Variants in INCENP observed in about 807,000 individuals in gnomAD.
The protein encoded by INCENP is binds and activates aurora-B and -C in vivo and in vitro.
In INCENP, 43 loss-of-function variants were observed where a neutral mutation model predicts 107.3. That is an observed-to-expected ratio of 0.40 (90% CI 0.31 to 0.52). The LOEUF is 0.52. Among genes scored for constraint, INCENP ranks in the 20% least tolerant of loss-of-function variants. The probability of loss-of-function intolerance (pLI) is 0.53; values close to 1 mark genes in which losing one functional copy is unlikely to be tolerated. For synonymous variants in INCENP, 488 were observed against 494.4 expected (o/e 0.99, Z 0.17); for missense variants, 1,089 against 1,250.9 (o/e 0.87, Z 1.95).
chr11:62,134,198 G>C (rs1236329037), intron 4 of INCENP, among the ~76,000 whole-genome samples: 3 of 152,094 alleles, frequency 2.0e-5, no homozygotes, highest in Non-Finnish European at 4.4e-5. Flanking sequence ...TTAAGCCTCA[G>C]CCTCAAAAAG....
At position 62,137,817 on chromosome 11, in the gene INCENP, T is replaced by A; in HGVS notation, c.1064-15T>A. Reference sequence around the variant, plus strand: ...TCTCTGATGAGATCTTTTGTGCCTTTCTTTTCCCCCTCAGGTCACAGTTAC... The same window carrying A: ...TCTCTGATGAGATCTTTTGTGCCTTACTTTTCCCCCTCAGGTCACAGTTAC... On this transcript the variant is annotated splice_polypyrimidine_tract_variant and intron_variant, in intron 4 of 18. Transcript: ENST00000394818. 6.2e-7 allele frequency: 1 copy of A among 1,613,864 alleles called. No homozygotes were observed. Among genetic ancestry groups the A allele is most frequent in the Non-Finnish European group, 8.5e-7 (1 of 1,179,744 alleles).
intron 15 of INCENP, among the ~76,000 whole-genome samples, chr11:62,147,332 G>A (rs781467064): frequency 1.8e-4 from 27 of 152,250 alleles, no homozygotes; most frequent in Admixed American, 1.3e-4. Context: ...ACCCCCTACC[G>A]ATATTTTCAG....
chr11:62,126,200 GT>G (rs57052675), intron 1 of INCENP, among the ~76,000 whole-genome samples: 39,529 of 99,894 alleles, frequency 0.4, 5,495 homozygotes, highest in Non-Finnish European at 0.52. Flanking sequence ...GTTGTGCATG[GT>G]TTTTTTTTTT....
chr11:62,150,207 G>A lies in INCENP; in HGVS notation c.2542G>A (p.Gly848Ser). 6.2e-7 allele frequency: 1 copy of A among 1,613,912 alleles called. No individual in the cohort carries two copies. Among genetic ancestry groups the A allele is most frequent in the Non-Finnish European group, 8.5e-7 (1 of 1,179,984 alleles). ...GAAGCCCATCCCCACCTGGGCCCGAGGTAAGCAAAGCCCACAGCTCCCTGG... is the reference window on the plus strand; with the variant it reads ...GAAGCCCATCCCCACCTGGGCCCGAAGTAAGCAAAGCCCACAGCTCCCTGG... ...PRKPIPTWAR[G>S]TPLSQAIIHQ... Residue 848 changes from glycine (G) to serine (S), a missense_variant and splice_region_variant, in exon 18 of 19, where the codon GGC becomes AGC. Physicochemically the swap from Gly to Ser is moderately conservative, Grantham distance 56. Transcript: ENST00000394818.
At chr11:62,148,180 A>G (rs1944294517) in intron 15 of INCENP, among the ~76,000 whole-genome samples, 1 of 152,128 alleles carries the variant, frequency 6.6e-6, no homozygotes, top group African/African-American at 2.4e-5. Flanking sequence ...CCCTGGAGGA[A>G]ATGTGTTATG....
chr11:62,140,666 C>T (rs1434214334), intron 8 of INCENP, 38 bp from the exon 9 acceptor site: 18 of 1,508,128 alleles, frequency 1.2e-5, no homozygotes, highest in Middle Eastern at 2.3e-4. Context: ...TGGGCTGTGG[C>T]GGGCTGCCCT....
chr11:62,136,008 A>T (rs1590613368), intron 4 of INCENP, among the ~76,000 whole-genome samples: 1 of 151,502 alleles, frequency 6.6e-6, no homozygotes, highest in African/African-American at 2.4e-5. Flanking sequence ...ACGGGGTTTC[A>T]CCGTGGTCTC....
rs1944308091 is a variant in INCENP, at chr11:62,148,644, G to A, written c.2283+90G>A. ...CTGCAGCAGGGGCTGCCTAGGGAGG[G>A]GAGGGAAAGGGAGGAGAATGGAGCG... On this transcript the variant is annotated intron_variant, in intron 16 of 18. Coordinates refer to ENST00000394818, the MANE Select transcript of INCENP (RefSeq NM_001040694.2). The A allele has an allele frequency of 1.4e-5, 21 of 1,452,500 alleles. No homozygotes were observed. The East Asian group carries it at 4.9e-4, about 34-fold the overall frequency. 90.0% of individuals were successfully genotyped at this position (1,452,500 alleles called of 1,614,324 possible).
Position 62,151,819 on chromosome 11 carries a change from A to G in INCENP, c.2600A>G (p.Glu867Gly). 3.7e-6 allele frequency: 6 copies of G among 1,614,132 alleles called. No homozygotes were observed. The highest frequency in any genetic ancestry group is 5.1e-6 in the Non-Finnish European group (6 of 1,180,016). Residue 867 changes from glutamate to glycine, a missense_variant, in exon 19 of 19, where the codon GAG becomes GGG. Physicochemically the swap from Glu to Gly is moderately conservative, Grantham distance 98. Coordinates refer to ENST00000394818, the MANE Select transcript of INCENP (RefSeq NM_001040694.2). Reference protein sequence around the residue: ...HQYYHPPNLLELFGTILPLDL... With the variant: ...HQYYHPPNLLGLFGTILPLDL... ...TACTACCACCCACCGAACCTTCTGG[A>G]GCTCTTTGGAACCATTCTCCCACTG...
At chr11:62,140,311 G>A in intron 8 of INCENP, 26 bp downstream of exon 8, 3 of 1,605,546 alleles carry the variant, frequency 1.9e-6, no homozygotes, top group African/African-American at 1.3e-5. Context: ...GGGGTGTGTA[G>A]GTAACTCTGA....
chr11:62,151,943 C>T lies in INCENP; in HGVS notation c.2724C>T (p.Pro908=). The T allele has an allele frequency of 6.2e-7, 1 of 1,612,388 alleles. No homozygotes were observed. The highest frequency in any genetic ancestry group is 1.7e-4 in the Middle Eastern group (1 of 6,060). Residue 908 remains proline (P), a synonymous_variant, in exon 19 of 19, where the codon CCC becomes CCT. Transcript: ENST00000394818. ...CGCCCCTGCAGGGCGCCAGGGTCCCCAGCAGCCTGGCCTACAGCCTGAAGA... is the reference window on the plus strand; with the variant it reads ...CGCCCCTGCAGGGCGCCAGGGTCCCTAGCAGCCTGGCCTACAGCCTGAAGA... ...NSPPLQGARV[P]SSLAYSLKKH is the part of the protein sequence containing the mutation.
intron 1 of INCENP, among the ~76,000 whole-genome samples, chr11:62,125,565 C>T (rs1943730367): frequency 1.3e-5 from 2 of 152,248 alleles, no homozygotes; most frequent in Non-Finnish European, 1.5e-5. Context: ...CCTGTACGAT[C>T]CTGCCCATTT....
At chr11:62,142,899 G>A (rs1193979679) in intron 11 of INCENP, among the ~76,000 whole-genome samples, 2 of 152,206 alleles carry the variant, frequency 1.3e-5, no homozygotes, top group African/African-American at 4.8e-5. Flanking sequence ...ATAACCTGCA[G>A]CATCATTTTC....
chr11:62,146,591 T>G, intron 14 of INCENP, 67 bp from the exon 15 acceptor site: 2 of 1,537,024 alleles, frequency 1.3e-6, no homozygotes, highest in South Asian at 2.4e-5. Context: ...TTCGGGGGAG[T>G]AGGGCTGCTG....
chr11:62,145,113 A>C (rs1944212141), intron 12 of INCENP, 22 bp downstream of exon 12: 7 of 1,613,946 alleles, frequency 4.3e-6, no homozygotes, highest in Non-Finnish European at 4.2e-6. Flanking sequence ...GGCTTCCTGG[A>C]CTGTGGCCCA....
intron 4 of INCENP, among the ~76,000 whole-genome samples, chr11:62,135,425 C>T (rs184137495): frequency 1.4e-4 from 21 of 152,124 alleles, no homozygotes; most frequent in Admixed American, 3.9e-4. Context: ...CACCGACGCC[C>T]GGATAATTTT....
chr11:62,149,023 G>T (rs1590630201), intron 17 of INCENP, among the ~76,000 whole-genome samples, 177 bp downstream of exon 17: 1 of 152,112 alleles, frequency 6.6e-6, no homozygotes, highest in Non-Finnish European at 1.5e-5. Flanking sequence ...AATTTGTTGA[G>T]GTGGGGGATA....
At chr11:62,150,742 T>C (rs1384477880) in intron 18 of INCENP, among the ~76,000 whole-genome samples, 1 of 152,172 alleles carries the variant, frequency 6.6e-6, no homozygotes, top group African/African-American at 2.4e-5. Context: ...TGGGTGAGCG[T>C]GACTGCAATG....
intron 11 of INCENP, 43 bp downstream of exon 11, chr11:62,141,554 C>A: frequency 1.2e-6 from 2 of 1,612,736 alleles, no homozygotes; most frequent in Non-Finnish European, 1.7e-6. Context: ...CCCCACCTAG[C>A]ACTCACCCGC....
Sources: allele counts gnomAD v4.1 joint callset (sites outside exome capture counted in the v4.1 genomes callset), GRCh38; gene constraint gnomAD v4.1.1; transcripts MANE v1.5; gene names NCBI Gene and HGNC (gene_info 2026-07-23, HGNC 2026-07-21).